The following LEMD3 variants were observed in gnomAD, a reference collection of about 807,000 sequenced individuals.
LEMD3 encodes the protein LEM domain containing 3.
Under a neutral mutation model 95.2 loss-of-function variants are expected in LEMD3, and 33 were observed. The observed-to-expected ratio is 0.35, with a 90% confidence interval of 0.26 to 0.46. The LOEUF (loss-of-function observed/expected upper bound fraction) is 0.46, where lower values mean the gene tolerates loss of function less well. LEMD3 is among the 20% of genes least tolerant of loss of function. The probability of loss-of-function intolerance (pLI) is 1.00; values close to 1 mark genes in which losing one functional copy is unlikely to be tolerated. For missense variants in LEMD3, 1,210 were observed against 1,192.8 expected (o/e 1.01, Z -0.21); for synonymous variants, 525 against 474.6 (o/e 1.11, Z -1.38).
intron 1 of LEMD3, among the ~76,000 whole-genome samples, chr12:65,210,396 T>C (rs1485066338): frequency 6.6e-6 from 1 of 152,156 alleles, no homozygotes; most frequent in Non-Finnish European, 1.5e-5. Context: ...CTTCTTAGTC[T>C]ATATTATGAA....
chr12:65,239,864 C>A, intron 6 of LEMD3, 65 bp from the exon 7 acceptor site: 1 of 1,057,114 alleles, frequency 9.5e-7, no homozygotes, highest in Non-Finnish European at 1.5e-6. Flanking sequence ...TTAAAATAAT[C>A]ACTGAAATAT....
At chr12:65,172,930 A>G (rs1039349361) in intron 1 of LEMD3, among the ~76,000 whole-genome samples, 12 of 152,082 alleles carry the variant, frequency 7.9e-5, no homozygotes, top group Non-Finnish European at 5.9e-5. Flanking sequence ...GGGTTTCACC[A>G]TGTTAGCAGA....
intron 1 of LEMD3, among the ~76,000 whole-genome samples, chr12:65,194,889 A>ATTATAATTTAGATTATAATTTATAAATT (rs1471553920): frequency 1.4e-5 from 1 of 71,026 alleles, no homozygotes; most frequent in South Asian, 4.9e-4. Context: ...TAATTTATAA[A>ATTATAATTTAGATTATAATTTATAAATT]ATTAAAATAA....
At position 65,241,223 on chromosome 12, in the gene LEMD3, T is replaced by C. The variant is rs528341964; in HGVS notation, c.2305+136T>C. 10 of 723,140 alleles carry C rather than the reference T, an allele frequency of 1.4e-5. No individual in the cohort carries two copies. In the East Asian group the frequency reaches 2.4e-4, roughly 18 times the overall value. 44.8% of individuals were successfully genotyped at this position (723,140 alleles called of 1,614,324 possible). On this transcript the variant is annotated intron_variant, in intron 9 of 12. Coordinates refer to ENST00000308330, the MANE Select transcript of LEMD3 (RefSeq NM_014319.5). The stretch of plus-strand genomic sequence containing the variant: ...CGTTCTGTTTCGTAGAAGGAATCAG[T>C]GTTAGCTTCTTATGTATCCTTCCAC...
chr12:65,210,464 A>T (rs1036322499), intron 1 of LEMD3, among the ~76,000 whole-genome samples: 2 of 152,180 alleles, frequency 1.3e-5, no homozygotes, highest in Non-Finnish European at 2.9e-5. Flanking sequence ...ATAATAATGG[A>T]TAGTGTGTAT....
At chr12:65,226,207 G>A (rs1390689118) in intron 4 of LEMD3, among the ~76,000 whole-genome samples, 1 of 152,164 alleles carries the variant, frequency 6.6e-6, no homozygotes, top group Non-Finnish European at 1.5e-5. Context: ...CAGATCATTA[G>A]ATGTATGTTC....
chr12:65,223,243 T>A (rs1870345870), intron 4 of LEMD3, among the ~76,000 whole-genome samples: 1 of 152,072 alleles, frequency 6.6e-6, no homozygotes, highest in Non-Finnish European at 1.5e-5. Flanking sequence ...ATCTTCCAGA[T>A]GAATTGATCC....
chr12:65,185,412 T>C (rs1869030310), intron 1 of LEMD3, among the ~76,000 whole-genome samples: 1 of 152,174 alleles, frequency 6.6e-6, no homozygotes, highest in Admixed American at 6.6e-5. Context: ...TTGGGAACTG[T>C]GCCCATTATA....
At chr12:65,242,340 C>T (rs1870962769) in intron 9 of LEMD3, among the ~76,000 whole-genome samples, 1 of 152,058 alleles carries the variant, frequency 6.6e-6, no homozygotes, top group African/African-American at 2.4e-5. Context: ...GCCATTTCTC[C>T]CTAGATAATC....
chr12:65,248,348 T>A lies in LEMD3; in HGVS notation c.*2023T>A, dbSNP rs1392403584. The A allele has an allele frequency of 1.3e-5, 2 of 152,150 alleles. No individual in the cohort carries two copies. Among genetic ancestry groups the A allele is most frequent in the African/African-American group, 4.8e-5 (2 of 41,452 alleles). 9.4% of individuals were successfully genotyped at this position (152,150 alleles called of 1,614,324 possible). On this transcript the variant is annotated 3_prime_UTR_variant, in exon 13 of 13. Coordinates refer to ENST00000308330, the MANE Select transcript of LEMD3 (RefSeq NM_014319.5). ...TTTTTTTTTATGTGTCTTGGCTTTT[T>A]AAAAACATTTTAAGTGCCCTGTGTC...
intron 1 of LEMD3, among the ~76,000 whole-genome samples, chr12:65,185,843 AT>A (rs1869044495): frequency 6.6e-6 from 1 of 152,074 alleles, no homozygotes; most frequent in South Asian, 2.1e-4. Flanking sequence ...AATATCTTTG[AT>A]TGGTAAAACA....
rs1026974518 is a variant in LEMD3, at chr12:65,171,171, C to G, written c.1522+53C>G. ...AACAAAGAGAATGTTGTTAGTGGTC[C>G]GCTTTAGCCGCGCTTAGCGTTTTAC... On this transcript the variant is annotated intron_variant, in intron 1 of 12. Transcript: ENST00000308330. The G allele has an allele frequency of 4.4e-6, 7 of 1,600,070 alleles. No individual in the cohort carries two copies. The Admixed American group carries it at 1.2e-4, about 27-fold the overall frequency.
chr12:65,195,453 T>G (rs975933090), intron 1 of LEMD3, among the ~76,000 whole-genome samples: 2 of 152,110 alleles, frequency 1.3e-5, no homozygotes, highest in African/African-American at 4.8e-5. Context: ...GCTACGCTTC[T>G]TATTGATGTT....
At chr12:65,182,981 A>G in intron 1 of LEMD3, among the ~76,000 whole-genome samples, 1 of 152,174 alleles carries the variant, frequency 6.6e-6, no homozygotes, top group Non-Finnish European at 1.5e-5. Context: ...TATTAATAGT[A>G]CTTAAATTAG....
At chr12:65,215,610 G>T (rs61923521) in intron 2 of LEMD3, among the ~76,000 whole-genome samples, 7,273 of 152,130 alleles carry the variant, frequency 0.048, 246 homozygotes, top group Non-Finnish European at 0.072. Context: ...GACATGAAGG[G>T]CAGCCTTGAT....
Position 65,171,173 on chromosome 12 carries a change from C to CT in LEMD3, c.1522+58dup, listed in dbSNP as rs1868539599. The CT allele has an allele frequency of 1.9e-6, 3 of 1,600,180 alleles. No homozygotes were observed. The Admixed American group carries it at 5.0e-5, about 27-fold the overall frequency. On this transcript the variant is annotated intron_variant, in intron 1 of 12. Transcript: ENST00000308330. ...CAAAGAGAATGTTGTTAGTGGTCCG[C>CT]TTTAGCCGCGCTTAGCGTTTTACAT...
At chr12:65,193,067 C>T (rs76151460) in intron 1 of LEMD3, among the ~76,000 whole-genome samples, 2,254 of 152,146 alleles carry the variant, frequency 0.015, 33 homozygotes, top group Non-Finnish European at 0.021. Flanking sequence ...CTGTTAGCAG[C>T]GGAACGTATC....
intron 4 of LEMD3, among the ~76,000 whole-genome samples, chr12:65,236,982 A>G (rs1031164467): frequency 2.0e-5 from 3 of 152,098 alleles, no homozygotes; most frequent in Non-Finnish European, 4.4e-5. Flanking sequence ...TTGGTTCCCT[A>G]TAATTACTGA....
intron 1 of LEMD3, among the ~76,000 whole-genome samples, chr12:65,194,632 A>T (rs888917288): frequency 6.6e-6 from 1 of 151,922 alleles, no homozygotes; most frequent in African/African-American, 2.4e-5. Context: ...TACAATACTG[A>T]TGTAGGAGTA....
Sources: allele counts gnomAD v4.1 joint callset (sites outside exome capture counted in the v4.1 genomes callset), GRCh38; gene constraint gnomAD v4.1.1; transcripts MANE v1.5; gene names NCBI Gene and HGNC (gene_info 2026-07-23, HGNC 2026-07-21).